The following ITGAV variants were observed in gnomAD, a reference collection of about 807,000 sequenced individuals.
ITGAV encodes integrin subunit alpha V.
In ITGAV, 76 loss-of-function variants were observed where a neutral mutation model predicts 143.8. The observed-to-expected ratio is 0.53, with a 90% CI of 0.44 to 0.64. The LOEUF is 0.64. Among genes scored for constraint, ITGAV ranks in the 30% least tolerant of loss-of-function variants. ITGAV has a pLI of 0.00. For synonymous variants in ITGAV, 453 were observed against 446.7 expected (o/e 1.01, Z -0.18); for missense variants, 1,193 against 1,274.7 (o/e 0.94, Z 0.98).
chr2:186,666,233 T>C (rs1323299117), intron 21 of ITGAV, among the ~76,000 whole-genome samples: 1 of 152,184 alleles, frequency 6.6e-6, no homozygotes, highest in African/African-American at 2.4e-5. Context: ...ATATTTGGTG[T>C]TGGGAGTGTT....
At chr2:186,622,832 G>A (rs537188026) in intron 3 of ITGAV, among the ~76,000 whole-genome samples, 79 of 151,600 alleles carry the variant, frequency 5.2e-4, no homozygotes, top group African/African-American at 1.8e-3. Flanking sequence ...GTGCGATCTC[G>A]GCTGACTGCA....
Position 186,637,120 on chromosome 2 carries a change from CT to C in ITGAV, c.802+13del. On this transcript the variant is annotated intron_variant, in intron 8 of 29. Transcript: ENST00000261023. ...GTGATGGCATAGATGGTATGAAGTA[CT>C]TGAACTATATCTAATCTTTAAAAAA... 6.3e-7 allele frequency: 1 copy of C among 1,598,982 alleles called. No individual in the cohort carries two copies. Among genetic ancestry groups the C allele is most frequent in the Non-Finnish European group, 8.6e-7 (1 of 1,166,252 alleles).
chr2:186,654,017 T>C (rs1284289601), intron 15 of ITGAV, among the ~76,000 whole-genome samples: 2 of 152,156 alleles, frequency 1.3e-5, no homozygotes, highest in African/African-American at 4.8e-5. Context: ...TGGTGGGTCC[T>C]TTTATCAATG....
At chr2:186,673,852 G>T (rs1574506096) in intron 26 of ITGAV, among the ~76,000 whole-genome samples, 1 of 151,854 alleles carries the variant, frequency 6.6e-6, no homozygotes, top group East Asian at 1.9e-4. Flanking sequence ...TATTTTTTTA[G>T]TAGAGACAGG....
At chr2:186,595,957 A>G (rs539815582) in intron 1 of ITGAV, among the ~76,000 whole-genome samples, 43 of 152,294 alleles carry the variant, frequency 2.8e-4, no homozygotes, top group Non-Finnish European at 5.9e-4. Flanking sequence ...TCACTTGACC[A>G]TTAATGGCCC....
chr2:186,625,622 AG>A, intron 4 of ITGAV, 35 bp downstream of exon 4: 1 of 1,327,822 alleles, frequency 7.5e-7, no homozygotes, highest in Non-Finnish European at 1.1e-6. Context: ...TTTTAAGAAG[AG>A]GGGTGGGAAG....
intron 2 of ITGAV, among the ~76,000 whole-genome samples, chr2:186,616,334 AG>A (rs1328082926): frequency 2.3e-5 from 3 of 130,874 alleles, no homozygotes; most frequent in Non-Finnish European, 3.1e-5. Flanking sequence ...GCTGGAGTGC[AG>A]TGGCACGATC....
Position 186,638,389 on chromosome 2 carries a change from C to A in ITGAV, c.847-20C>A. 1 of 1,607,934 alleles carries A rather than the reference C, an allele frequency of 6.2e-7. No homozygotes were observed. The highest frequency in any genetic ancestry group is 8.5e-7 in the Non-Finnish European group (1 of 1,174,650). ...CTTCTATTTTACCAGATTTCACATA[C>A]TTCTATTTTTCCTTCACAGGTTTAT... On this transcript the variant is annotated intron_variant, in intron 9 of 29. Transcript: ENST00000261023.
At chr2:186,641,664 A>G (rs781697606) in intron 12 of ITGAV, 76 bp downstream of exon 12, 1 of 1,197,282 alleles carries the variant, frequency 8.4e-7, no homozygotes, top group Non-Finnish European at 1.2e-6. Context: ...GTCCATCTGT[A>G]GAAGTCTACA....
intron 10 of ITGAV, 22 bp downstream of exon 10, chr2:186,638,487 G>A (rs199893925): frequency 8.2e-6 from 13 of 1,590,662 alleles, no homozygotes; most frequent in Admixed American, 1.7e-5. Flanking sequence ...AAATATGATC[G>A]TCCTCTCCCA....
intron 16 of ITGAV, 81 bp from the exon 17 acceptor site, chr2:186,656,166 C>G: frequency 2.0e-6 from 2 of 1,009,704 alleles, no homozygotes; most frequent in Non-Finnish European, 2.9e-6. Context: ...ATAAAGATCT[C>G]TGTTTACATG....
chr2:186,646,470 T>C (rs899022992), intron 12 of ITGAV, among the ~76,000 whole-genome samples: 1 of 152,204 alleles, frequency 6.6e-6, no homozygotes, highest in African/African-American at 2.4e-5. Flanking sequence ...TGCTTATGGA[T>C]AAAGAGTACC....
At chr2:186,611,280 G>T (rs1290740325) in intron 2 of ITGAV, among the ~76,000 whole-genome samples, 1 of 152,054 alleles carries the variant, frequency 6.6e-6, no homozygotes, top group Non-Finnish European at 1.5e-5. Context: ...TGCCTTACAA[G>T]GGTCACATAT....
At chr2:186,620,984 T>G (rs2105683898) in intron 2 of ITGAV, among the ~76,000 whole-genome samples, 1 of 152,338 alleles carries the variant, frequency 6.6e-6, no homozygotes, top group Non-Finnish European at 1.5e-5. Flanking sequence ...GAAACAAGTC[T>G]TTAGGATAGA....
intron 4 of ITGAV, 75 bp downstream of exon 4, chr2:186,625,662 G>GGTAT (rs1553501194): frequency 2.0e-6 from 1 of 490,116 alleles, no homozygotes; most frequent in African/African-American, 2.0e-5. Context: ...TGTGTGTGTG[G>GGTAT]GTGTGTGTGT....
At position 186,677,363 on chromosome 2, in the gene ITGAV, T is replaced by G. The variant is rs566027661; in HGVS notation, c.*71T>G. ...AACTTTATTATAGATTTAAACTTTC[T>G]TCATGAGGAGTAAAAATCCAAGGCT... On this transcript the variant is annotated 3_prime_UTR_variant, in exon 30 of 30. Transcript: ENST00000261023. The G allele has an allele frequency of 9.4e-6, 11 of 1,165,986 alleles. No homozygotes were observed. In the African/African-American group the frequency reaches 1.5e-4, roughly 16 times the overall value. The allele number at this position is 1,165,986 out of a possible 1,614,324, so 72.2% of individuals were successfully genotyped here. A position where few individuals can be genotyped will look rare whatever the true frequency, so the allele number is the denominator to read the frequency against.
At position 186,638,423 on chromosome 2, in the gene ITGAV, TG is replaced by T; in HGVS notation, c.864del (p.Lys289ArgfsTer22). ...TTCCTTCACAGGTTTATATTTATGA[TG>T]GGAAGAACATGTCCTCCTTATACAA... is the stretch of plus-strand genomic sequence containing the variant. ...RTLGMVYIYD[G>X]KNMSSLYNFT... On this transcript the variant is annotated frameshift_variant, in exon 10 of 30. Coordinates refer to ENST00000261023, the MANE Select transcript of ITGAV (RefSeq NM_002210.5). LOFTEE classifies it high-confidence loss of function. 1 of 1,612,028 alleles carries T rather than the reference TG, an allele frequency of 6.2e-7. No individual in the cohort carries two copies. The highest frequency in any genetic ancestry group is 1.3e-5 in the African/African-American group (1 of 74,986).
At chr2:186,667,875 G>T in intron 24 of ITGAV, 99 bp downstream of exon 24, 1 of 576,868 alleles carries the variant, frequency 1.7e-6, no homozygotes, top group Non-Finnish European at 3.0e-6. Context: ...TAATTTTTAT[G>T]TAAACTCTAC....
intron 20 of ITGAV, 89 bp downstream of exon 20, chr2:186,664,730 C>G: frequency 6.7e-7 from 1 of 1,489,414 alleles, no homozygotes; most frequent in South Asian, 1.2e-5. Context: ...GAAGCACAAG[C>G]TTAGCTATTC....
Sources: allele counts gnomAD v4.1 joint callset (sites outside exome capture counted in the v4.1 genomes callset), GRCh38; gene constraint gnomAD v4.1.1; transcripts MANE v1.5; gene names NCBI Gene and HGNC (gene_info 2026-07-23, HGNC 2026-07-21).